NCK2: variants seen among roughly 807,000 people sequenced by gnomAD.
NCK2 encodes the protein cytoplasmic protein NCK2.
A neutral mutation model predicts 33.9 loss-of-function variants in NCK2; 16 were observed. The observed-to-expected ratio is 0.47, with a 90% CI of 0.32 to 0.72. The LOEUF (loss-of-function observed/expected upper bound fraction) is 0.72, where lower values mean the gene tolerates loss of function less well. Ranked by LOEUF, NCK2 falls within the 30% of genes least tolerant of loss-of-function variation. NCK2 has a pLI of 0.03. For missense variants in NCK2, 418 were observed against 537.3 expected (o/e 0.78, Z 2.19); for synonymous variants, 273 against 239.9 (o/e 1.14, Z -1.27).
At chr2:105,857,789 A>T (rs1677341078) in intron 3 of NCK2, among the ~76,000 whole-genome samples, 1 of 152,104 alleles carries the variant, frequency 6.6e-6, no homozygotes, top group Non-Finnish European at 1.5e-5. Flanking sequence ...GCTCACCTGG[A>T]GGTTTTTGTT....
At chr2:105,799,122 G>C (rs190662739) in intron 1 of NCK2, among the ~76,000 whole-genome samples, 5 of 151,932 alleles carry the variant, frequency 3.3e-5, no homozygotes. Flanking sequence ...TCTGTCCTTC[G>C]TGTCCTAAGT....
At chr2:105,855,921 A>G (rs915926963) in intron 3 of NCK2, among the ~76,000 whole-genome samples, 16 of 140,304 alleles carry the variant, frequency 1.1e-4, no homozygotes, top group South Asian at 1.1e-3. Context: ...TGCAAGCTCC[A>G]CCTCCTGGGT....
chr2:105,887,437 C>A (rs1197653236), intron 4 of NCK2, among the ~76,000 whole-genome samples: 4 of 151,994 alleles, frequency 2.6e-5, no homozygotes, highest in Admixed American at 6.6e-5. Context: ...ATTATTGATG[C>A]TTGGAGACTT....
At chr2:105,816,831 CACCT>C (rs776378213) in intron 2 of NCK2, among the ~76,000 whole-genome samples, 3 of 152,126 alleles carry the variant, frequency 2.0e-5, no homozygotes, top group Non-Finnish European at 4.4e-5. Context: ...GGATGGTAGA[CACCT>C]ACAACCTGTA....
At chr2:105,882,801 T>C (rs1043750143) in intron 4 of NCK2, among the ~76,000 whole-genome samples, 1 of 152,212 alleles carries the variant, frequency 6.6e-6, no homozygotes, top group African/African-American at 2.4e-5. Context: ...TCTTTCCGAA[T>C]ACACCTTCTA....
At chr2:105,795,011 A>G (rs868749182) in intron 1 of NCK2, among the ~76,000 whole-genome samples, 1 of 152,092 alleles carries the variant, frequency 6.6e-6, no homozygotes, top group African/African-American at 2.4e-5. Context: ...TTTTTAAAAA[A>G]AGTTTTATTT....
intron 1 of NCK2, among the ~76,000 whole-genome samples, chr2:105,805,259 G>T (rs1674990004): frequency 6.6e-6 from 1 of 152,206 alleles, no homozygotes. Flanking sequence ...GATGTTCCCA[G>T]TACGGGGAGG....
chr2:105,835,796 C>T (rs1444088200), intron 2 of NCK2, among the ~76,000 whole-genome samples: 1 of 151,910 alleles, frequency 6.6e-6, no homozygotes, highest in Non-Finnish European at 1.5e-5. Context: ...TCCCACATGT[C>T]AGGTAGGCTT....
At position 105,751,084 on chromosome 2, in the gene NCK2, A is replaced by G. The variant is rs1188774039; in HGVS notation, c.-201+5946A>G. 3.9e-5 allele frequency among the ~76,000 whole-genome samples: 6 copies of G among 152,184 alleles called. No homozygotes were observed. The East Asian group carries it at 9.6e-4, about 24-fold the overall frequency. On this transcript the variant is annotated intron_variant, in intron 1 of 4. Transcript: ENST00000233154. The stretch of plus-strand genomic sequence containing the variant: ...GACCTCCCTCTAGCTCCAGATCTGT[A>G]TGTTCATTGATGCTTTGTTTGCTCA...
chr2:105,831,920 T>A (rs1049219605), intron 2 of NCK2, among the ~76,000 whole-genome samples: 9 of 152,198 alleles, frequency 5.9e-5, no homozygotes, highest in Admixed American at 4.6e-4. Context: ...TTTTTCTATT[T>A]CTGTGAAAAA....
chr2:105,772,407 C>T (rs1219284452), intron 1 of NCK2, among the ~76,000 whole-genome samples: 3 of 152,044 alleles, frequency 2.0e-5, no homozygotes, highest in Non-Finnish European at 2.9e-5. Flanking sequence ...TCTTTGTTCC[C>T]GGGGAATGTG....
intron 1 of NCK2, among the ~76,000 whole-genome samples, chr2:105,803,189 T>G (rs995293478): frequency 2.6e-5 from 4 of 152,230 alleles, no homozygotes; most frequent in Non-Finnish European, 1.5e-5. Context: ...GTTGTTAATA[T>G]AAACATTTAT....
Position 105,844,049 on chromosome 2 carries a change from C to T in NCK2, c.-16-10999C>T, listed in dbSNP as rs965252861. On this transcript the variant is annotated intron_variant, in intron 2 of 4. Transcript: ENST00000233154. ...AGCATGTTGCCTCTGTGGTCTTCCT[C>T]CCAAAAGCTAATACTGGAGCACTGA... 2.4e-4 allele frequency among the ~76,000 whole-genome samples: 36 copies of T among 152,168 alleles called. 1 individual carries two copies. The highest frequency in any genetic ancestry group is 2.2e-3 in the Admixed American group (34 of 15,282).
At chr2:105,757,470 G>A (rs1049595015) in intron 1 of NCK2, among the ~76,000 whole-genome samples, 3 of 152,194 alleles carry the variant, frequency 2.0e-5, no homozygotes, top group Non-Finnish European at 4.4e-5. Context: ...TGGGTGCAGA[G>A]ATGTAGAAAG....
At chr2:105,772,449 T>C (rs1409361168) in intron 1 of NCK2, among the ~76,000 whole-genome samples, 1 of 152,130 alleles carries the variant, frequency 6.6e-6, no homozygotes, top group African/African-American at 2.4e-5. Flanking sequence ...TTAGCCCACC[T>C]GATGTCCTGC....
At chr2:105,857,636 G>GA (rs1457256879) in intron 3 of NCK2, among the ~76,000 whole-genome samples, 3 of 152,168 alleles carry the variant, frequency 2.0e-5, no homozygotes, top group Non-Finnish European at 4.4e-5. Flanking sequence ...TAAAAATACA[G>GA]AAAAAATGAT....
At chr2:105,891,794 G>A (rs1678998105) in intron 4 of NCK2, among the ~76,000 whole-genome samples, 1 of 151,974 alleles carries the variant, frequency 6.6e-6, no homozygotes, top group African/African-American at 2.4e-5. Context: ...TGATCCACCT[G>A]CCTTGGCCTC....
rs546319525 is a variant in NCK2, at chr2:105,843,453, A to G, written c.-16-11595A>G. 6.6e-5 allele frequency among the ~76,000 whole-genome samples: 10 copies of G among 152,108 alleles called. No homozygotes were observed. In the South Asian group the frequency reaches 1.7e-3, roughly 25 times the overall value. ...TTATTTTGTAAAGGATTCATGTGTA[A>G]AAAGTGGACTACAGGTACTGCTGGT... On this transcript the variant is annotated intron_variant, in intron 2 of 4. Transcript: ENST00000233154.
chr2:105,789,807 T>C (rs1362945981), intron 1 of NCK2, among the ~76,000 whole-genome samples: 1 of 152,206 alleles, frequency 6.6e-6, no homozygotes. Context: ...GCCTCAGTGG[T>C]CTGGGGTGGG....
Sources: allele counts gnomAD v4.1 joint callset (sites outside exome capture counted in the v4.1 genomes callset), GRCh38; gene constraint gnomAD v4.1.1; transcripts MANE v1.5; gene names NCBI Gene and HGNC (gene_info 2026-07-23, HGNC 2026-07-21).